CCDC178: variants seen among roughly 807,000 people sequenced by gnomAD.
CCDC178 encodes the protein coiled-coil domain-containing protein 178.
Under a neutral mutation model 117.4 loss-of-function variants are expected in CCDC178, and 126 were observed. The observed-to-expected ratio is 1.07, with a 90% CI of 0.93 to 1.24. The LOEUF (loss-of-function observed/expected upper bound fraction) is 1.24. Among genes scored for constraint, CCDC178 ranks in the 50% most tolerant of loss-of-function variants. CCDC178 has a pLI of 0.00. For missense variants in CCDC178, 1,030 were observed against 986.9 expected (o/e 1.04, Z -0.59); for synonymous variants, 283 against 313.4 (o/e 0.90, Z 1.02).
intron 3 of CCDC178, among the ~76,000 whole-genome samples, chr18:33,409,178 G>C (rs1568208490): frequency 6.6e-6 from 1 of 152,046 alleles, no homozygotes; most frequent in African/African-American, 2.4e-5. Context: ...CTGCCTCCTT[G>C]GTTCAAGGGA....
intron 15 of CCDC178, among the ~76,000 whole-genome samples, chr18:33,229,189 A>G (rs1032389851): frequency 2.0e-4 from 30 of 152,064 alleles, no homozygotes; most frequent in African/African-American, 6.8e-4. Flanking sequence ...CCCAACAACA[A>G]CCTCGATCAA....
chr18:33,032,817 T>A (rs191229841), intron 21 of CCDC178, among the ~76,000 whole-genome samples: 95 of 152,176 alleles, frequency 6.2e-4, no homozygotes, highest in African/African-American at 2.2e-3. Flanking sequence ...CTTCTCTGTT[T>A]AAAACCTTCA....
intron 20 of CCDC178, among the ~76,000 whole-genome samples, chr18:33,126,362 T>C (rs2058003835): frequency 6.7e-6 from 1 of 149,014 alleles, no homozygotes; most frequent in African/African-American, 2.4e-5. Flanking sequence ...ATTTAATTAG[T>C]ATATGTATGT....
At chr18:33,204,413 A>T (rs2059025531) in intron 20 of CCDC178, among the ~76,000 whole-genome samples, 1 of 108,662 alleles carries the variant, frequency 9.2e-6, no homozygotes, top group South Asian at 2.4e-4. Context: ...CAAAATCTGT[A>T]GTTTTTGAAA....
intron 21 of CCDC178, among the ~76,000 whole-genome samples, chr18:33,079,274 A>G (rs2057261044): frequency 6.6e-6 from 1 of 152,174 alleles, no homozygotes; most frequent in Non-Finnish European, 1.5e-5. Flanking sequence ...ACAAAAATGG[A>G]CTCAAGATGA....
At chr18:33,004,427 T>C (rs1379113285) in intron 21 of CCDC178, among the ~76,000 whole-genome samples, 1 of 152,092 alleles carries the variant, frequency 6.6e-6, no homozygotes, top group East Asian at 1.9e-4. Context: ...AAATCAGTTA[T>C]CTATATGCAG....
Position 33,021,909 on chromosome 18 carries a change from T to C in CCDC178, c.2389-47228A>G, listed in dbSNP as rs192534352. Among the ~76,000 whole-genome samples, 370 of 152,316 alleles carry C rather than the reference T, an allele frequency of 2.4e-3. 1 individual carries two copies. The highest frequency in any genetic ancestry group is 4.2e-3 in the Non-Finnish European group (285 of 68,022). On this transcript the variant is annotated intron_variant, in intron 21 of 22. Coordinates refer to ENST00000383096, the MANE Select transcript of CCDC178 (RefSeq NM_001105528.4). ...CTCTCTCTCTCTCTGTCTCATTCTCTTTCTGTATGTGTTTATATTTTTTAA... is the reference window on the plus strand; with the variant it reads ...CTCTCTCTCTCTCTGTCTCATTCTCCTTCTGTATGTGTTTATATTTTTTAA...
At position 33,245,246 on chromosome 18, in the gene CCDC178, T is replaced by C; in HGVS notation, c.1592A>G (p.Lys531Arg). The change falls in exon 15 of 23, where the codon AAG (lysine) becomes AGG (arginine). Residue 531 changes from lysine to arginine, a missense_variant and splice_region_variant. By Grantham distance (26) the Lys-to-Arg change is conservative. Coordinates refer to ENST00000383096, the MANE Select transcript of CCDC178 (RefSeq NM_001105528.4). The stretch of plus-strand genomic sequence containing the variant: ...AAGAGGAACACAAAGATACACAACC[T>C]TGAACTTTCTTCTCACTTCTGCTAT... ...DKIAEVRRKF[K>R]GREEFLKKLT... 6.3e-7 allele frequency: 1 copy of C among 1,581,286 alleles called. No homozygotes were observed. Among genetic ancestry groups the C allele is most frequent in the East Asian group, 2.3e-5 (1 of 43,886 alleles).
intron 11 of CCDC178, among the ~76,000 whole-genome samples, chr18:33,322,572 A>G (rs2062527009): frequency 6.6e-6 from 1 of 151,808 alleles, no homozygotes; most frequent in East Asian, 1.9e-4. Flanking sequence ...AATAAAAATT[A>G]ATTAGAACTC....
chr18:33,091,395 G>GGT (rs2057463484), intron 21 of CCDC178, among the ~76,000 whole-genome samples: 1 of 125,830 alleles, frequency 7.9e-6, no homozygotes, highest in East Asian at 2.5e-4. Flanking sequence ...GGAGTGCAGT[G>GGT]GTGCATTCTT....
At chr18:32,951,142 G>T (rs968878325) in intron 22 of CCDC178, among the ~76,000 whole-genome samples, 1 of 152,030 alleles carries the variant, frequency 6.6e-6, no homozygotes, top group African/African-American at 2.4e-5. Context: ...TTTTTACTCA[G>T]TTATTACCTA....
At chr18:33,269,739 A>G (rs1172464191) in intron 12 of CCDC178, among the ~76,000 whole-genome samples, 1 of 151,868 alleles carries the variant, frequency 6.6e-6, no homozygotes, top group Non-Finnish European at 1.5e-5. Context: ...TTACTACTTC[A>G]GCAAACAGCA....
At chr18:33,371,055 A>G (rs984301495) in intron 5 of CCDC178, among the ~76,000 whole-genome samples, 5 of 152,114 alleles carry the variant, frequency 3.3e-5, no homozygotes, top group Admixed American at 3.3e-4. Context: ...ACCTTGAGGG[A>G]ACAGAGAAAT....
At chr18:33,355,316 T>TCACTG (rs112777163) in intron 7 of CCDC178, among the ~76,000 whole-genome samples, 3 of 152,380 alleles carry the variant, frequency 2.0e-5, no homozygotes, top group African/African-American at 7.2e-5. Flanking sequence ...TCATGTGTAA[T>TCACTG]CACTGAAATC....
intron 15 of CCDC178, among the ~76,000 whole-genome samples, chr18:33,227,843 T>C (rs962465738): frequency 2.0e-5 from 3 of 152,120 alleles, no homozygotes; most frequent in Non-Finnish European, 2.9e-5. Context: ...CTTTGATATA[T>C]CATTTTACTT....
chr18:33,136,869 T>C (rs974873032), intron 20 of CCDC178, among the ~76,000 whole-genome samples: 2 of 152,196 alleles, frequency 1.3e-5, no homozygotes, highest in African/African-American at 2.4e-5. Context: ...AAAAATTATC[T>C]ATGTGATCTA....
intron 6 of CCDC178, among the ~76,000 whole-genome samples, chr18:33,367,577 T>A (rs754931012): frequency 1.3e-5 from 2 of 151,938 alleles, no homozygotes; most frequent in South Asian, 2.1e-4. Context: ...AATGGGAAGA[T>A]TTTTTTCTTA....
intron 15 of CCDC178, among the ~76,000 whole-genome samples, chr18:33,227,923 C>T (rs1415943654): frequency 2.0e-5 from 3 of 152,102 alleles, no homozygotes; most frequent in Admixed American, 1.3e-4. Flanking sequence ...AGATTAGCGA[C>T]CTCTTCTAAC....
chr18:33,091,266 C>T (rs2057457017), intron 21 of CCDC178, among the ~76,000 whole-genome samples: 1 of 138,506 alleles, frequency 7.2e-6, no homozygotes, highest in Admixed American at 7.5e-5. Context: ...TTTGAGGACA[C>T]TAAGATTTTG....
Sources: allele counts gnomAD v4.1 joint callset (sites outside exome capture counted in the v4.1 genomes callset), GRCh38; gene constraint gnomAD v4.1.1; transcripts MANE v1.5; gene names NCBI Gene and HGNC (gene_info 2026-07-23, HGNC 2026-07-21).